Variants in KLRD1 observed in about 807,000 individuals in gnomAD.
The protein encoded by KLRD1 is killer cell lectin like receptor D1.
In KLRD1, 21 loss-of-function variants were observed where a neutral mutation model predicts 22.6. The ratio of observed to expected loss-of-function variants is 0.93; its 90% CI spans 0.66 to 1.34. The LOEUF is 1.34. Ranked by LOEUF, KLRD1 falls within the 40% of genes most tolerant of loss-of-function variation. KLRD1 has a pLI of 0.00. For synonymous variants in KLRD1, 59 were observed against 71.1 expected, an observed-to-expected ratio of 0.83 and a Z score of 0.85; for missense variants, 183 against 208.6, an observed-to-expected ratio of 0.88 and a Z score of 0.76.
chr12:10,313,514 G>T lies in KLRD1; in HGVS notation c.419+1G>T, dbSNP rs1255778666. ...ATGGCTCTGCACTCTCCCAGTATCT[G>T]TAAGTTTCTGGCAATCATGGCGTTT... On this transcript the variant is annotated splice_donor_variant, in intron 5 of 5. Coordinates refer to ENST00000336164, the MANE Select transcript of KLRD1 (RefSeq NM_002262.5). LOFTEE classifies it high-confidence loss of function. 7 of 1,535,990 alleles carry T rather than the reference G, an allele frequency of 4.6e-6. No individual in the cohort carries two copies. The highest frequency in any genetic ancestry group is 6.2e-6 in the Non-Finnish European group (7 of 1,131,646).
intron 1 of KLRD1, chr12:10,308,324 C>T (rs889294154): frequency 2.0e-6 from 1 of 495,454 alleles, no homozygotes; most frequent in South Asian, 2.8e-5. Flanking sequence ...ACAGGGCTAC[C>T]TTTAAATTCT....
upstream of KLRD1, among the ~76,000 whole-genome samples, chr12:10,303,716 A>G (rs955196229): frequency 2.0e-5 from 3 of 152,188 alleles, no homozygotes; most frequent in Non-Finnish European, 4.4e-5. Context: ...ATATGTCCTG[A>G]GCCCCAACAA....
At position 10,309,395 on chromosome 12, in the gene KLRD1, G is replaced by A. The variant is rs199695221; in HGVS notation, c.15G>A (p.Lys5=). MAVF[K]TTLWRLISGT... is the part of the protein sequence containing the mutation. ...GTCTGTCTTTCTCTACAGTGTTTAAGACCACTCTGTGGAGGTTAATTTCTG... is the reference window on the plus strand; with the variant it reads ...GTCTGTCTTTCTCTACAGTGTTTAAAACCACTCTGTGGAGGTTAATTTCTG... The change falls in exon 2 of 6, where the codon AAG becomes AAA. Residue 5 remains lysine, a synonymous_variant. Transcript: ENST00000336164. The A allele has an allele frequency of 2.1e-6, 3 of 1,460,344 alleles. No individual in the cohort carries two copies. Among genetic ancestry groups the A allele is most frequent in the Non-Finnish European group, 9.6e-7 (1 of 1,039,584 alleles). 90.5% of individuals were successfully genotyped at this position (1,460,344 alleles called of 1,614,324 possible).
At chr12:10,313,132 GAAGAA>G (rs1412968170) in intron 4 of KLRD1, among the ~76,000 whole-genome samples, 1 of 152,128 alleles carries the variant, frequency 6.6e-6, no homozygotes, top group East Asian at 1.9e-4. Flanking sequence ...GATCCCCCGT[GAAGAA>G]AGTGTTCCAT....
intron 4 of KLRD1, among the ~76,000 whole-genome samples, chr12:10,312,281 A>C (rs113085613): frequency 6.6e-6 from 1 of 151,888 alleles, no homozygotes; most frequent in African/African-American, 2.4e-5. Flanking sequence ...TGAACTCCTG[A>C]CCTCGGGTGA....
At chr12:10,254,464 A>C (rs1949375340) in intron 1 of KLRD1, among the ~76,000 whole-genome samples, 1 of 151,124 alleles carries the variant, frequency 6.6e-6, no homozygotes, top group Non-Finnish European at 1.5e-5. Context: ...CTATCAACAG[A>C]GTAAACAGAC....
rs972329669 is a variant in KLRD1 at position 10,326,474 on chromosome 12, A to G, written c.*11681A>G. 4.6e-5 allele frequency: 7 copies of G among 152,396 alleles called. No homozygotes were observed. The highest frequency in any genetic ancestry group is 1.7e-4 in the African/African-American group (7 of 41,578). The allele number at this position is 152,396 out of a possible 1,614,324, so 9.4% of individuals were successfully genotyped here. ...ACATGAGACATCAATCAACATATGT[A>G]AAATGAACAGTGGTTTGGTCTAGAA... On this transcript the variant is annotated 3_prime_UTR_variant, in exon 6 of 6. Transcript: ENST00000336164.
chr12:10,270,330 A>T (rs1251820097), intron 1 of KLRD1, among the ~76,000 whole-genome samples: 2 of 152,246 alleles, frequency 1.3e-5, no homozygotes, highest in African/African-American at 2.4e-5. Context: ...TAATTAAAAA[A>T]TTAATGAAGT....
chr12:10,246,155 A>G (rs1002889439), intron 1 of KLRD1, among the ~76,000 whole-genome samples: 2 of 152,162 alleles, frequency 1.3e-5, no homozygotes, highest in African/African-American at 2.4e-5. Flanking sequence ...ACTTAATTGT[A>G]TATTGCTCCC....
At chr12:10,285,039 A>C (rs114716556) in intron 1 of KLRD1, among the ~76,000 whole-genome samples, 1 of 152,190 alleles carries the variant, frequency 6.6e-6, no homozygotes, top group Admixed American at 6.5e-5. Context: ...TCCACTTAAA[A>C]GTTTTTAGAT....
chr12:10,305,927 C>A (rs538721208), upstream of KLRD1, among the ~76,000 whole-genome samples: 1 of 152,038 alleles, frequency 6.6e-6, no homozygotes, highest in Non-Finnish European at 1.5e-5. Context: ...CTTTGGGAGG[C>A]CGAGGCGGGC....
In KLRD1 at chr12:10,314,817, G is replaced by A; in HGVS notation, c.*24G>A. ...AAATGTTTCTTGGGGCAGAGAAGGT[G>A]GAGAGTAAAGACCCAACATTACTAA... is the stretch of plus-strand genomic sequence containing the variant. On this transcript the variant is annotated 3_prime_UTR_variant, in exon 6 of 6. Coordinates refer to ENST00000336164, the MANE Select transcript of KLRD1 (RefSeq NM_002262.5). 1 of 1,594,020 alleles carries A rather than the reference G, an allele frequency of 6.3e-7. No individual in the cohort carries two copies. Among genetic ancestry groups the A allele is most frequent in the Non-Finnish European group, 8.5e-7 (1 of 1,172,308 alleles).
In KLRD1 at chr12:10,309,705, G is replaced by A; in HGVS notation, c.163+17G>A. ...TCCAGAAAGGTAGGTCACATTTTTT[G>A]GAAAACTTAGCATTGGTAAAAGATT... is the stretch of plus-strand genomic sequence containing the variant. On this transcript the variant is annotated intron_variant, in intron 3 of 5. Coordinates refer to ENST00000336164, the MANE Select transcript of KLRD1 (RefSeq NM_002262.5). The A allele has an allele frequency of 6.3e-7, 1 of 1,586,330 alleles. No individual in the cohort carries two copies. The highest frequency in any genetic ancestry group is 8.7e-7 in the Non-Finnish European group (1 of 1,155,646).
rs1210590830 is a variant in KLRD1, at chr12:10,325,523, T to A, written c.*10730T>A. 1 of 152,180 alleles carries A rather than the reference T, an allele frequency of 6.6e-6. No individual in the cohort carries two copies. The highest frequency in any genetic ancestry group is 1.5e-5 in the Non-Finnish European group (1 of 68,014). 9.4% of individuals were successfully genotyped at this position (152,180 alleles called of 1,614,324 possible). ...ATGCCCTTTGATTAACGACGTCCCA[T>A]TTTTTCCTCTCTCCATTCCTGGCAA... On this transcript the variant is annotated 3_prime_UTR_variant, in exon 6 of 6. Transcript: ENST00000336164.
At chr12:10,294,376 T>C (rs111794506) in intron 1 of KLRD1, among the ~76,000 whole-genome samples, 2,338 of 152,246 alleles carry the variant, frequency 0.015, 52 homozygotes, top group African/African-American at 0.054. Flanking sequence ...CAAAATTTCC[T>C]CTAGATAATC....
chr12:10,272,968 C>T (rs913212230), intron 1 of KLRD1, among the ~76,000 whole-genome samples: 5 of 151,960 alleles, frequency 3.3e-5, no homozygotes, highest in Admixed American at 6.6e-5. Context: ...GTAACAGATA[C>T]GGATTTTCAG....
At chr12:10,250,139 A>C (rs1483647580) in intron 1 of KLRD1, among the ~76,000 whole-genome samples, 3 of 149,160 alleles carry the variant, frequency 2.0e-5, no homozygotes, top group Non-Finnish European at 4.4e-5. Context: ...AAACATTTAC[A>C]TCCCCTCAAC....
rs1006880276 is a variant in KLRD1 at position 10,254,856 on chromosome 12, G to A, written c.-101+28623G>A. Reference sequence around the variant, plus strand: ...TGCAGTGAGCTGAGATTGCGCTACCGCACTCCAGCCTAGGCAACAGAGCGA... The same window carrying A: ...TGCAGTGAGCTGAGATTGCGCTACCACACTCCAGCCTAGGCAACAGAGCGA... On this transcript the variant is annotated intron_variant, in intron 1 of 5. Coordinates refer to the KLRD1 transcript ENST00000544747. Among the ~76,000 whole-genome samples the A allele has an allele frequency of 1.5e-4, 20 of 133,334 alleles. 1 individual carries two copies. The highest frequency in any genetic ancestry group is 5.4e-4 in the African/African-American group (19 of 35,436). 87.5% of individuals were successfully genotyped at this position (133,334 alleles called of 152,430 possible).
chr12:10,281,423 C>T (rs927580268), intron 1 of KLRD1, among the ~76,000 whole-genome samples: 2 of 152,050 alleles, frequency 1.3e-5, no homozygotes, highest in Non-Finnish European at 2.9e-5. Context: ...AAGACAGCTG[C>T]CATGCATGAA....
Sources: gnomAD v4.1 joint callset for allele counts (sites outside exome capture counted in the v4.1 genomes callset) on GRCh38, gnomAD v4.1.1 for gene constraint, MANE v1.5 for transcripts, NCBI Gene and HGNC (gene_info 2026-07-23, HGNC 2026-07-21) for gene names.